The following SPATA13 variants were observed in gnomAD, a reference collection of about 807,000 sequenced individuals.
The protein encoded by SPATA13 is spermatogenesis associated 13.
A neutral mutation model predicts 104.0 loss-of-function variants in SPATA13; 50 were observed. That is an observed-to-expected ratio of 0.48 (90% confidence interval 0.38 to 0.61). SPATA13 has a LOEUF of 0.61. SPATA13 is among the 20% of genes least tolerant of loss of function. The pLI is 0.00. For missense variants in SPATA13, 1,524 were observed against 1,690.6 expected, an observed-to-expected ratio of 0.90 and a Z score of 1.73; for synonymous variants, 606 against 667.5, an observed-to-expected ratio of 0.91 and a Z score of 1.42.
chr13:24,241,822 C>T (rs545380998), intron 2 of SPATA13, among the ~76,000 whole-genome samples: 153 of 152,236 alleles, frequency 1.0e-3, no homozygotes, highest in Non-Finnish European at 1.2e-3. Flanking sequence ...GAGGCCGAGG[C>T]GGGAGGACTG....
chr13:24,295,805 C>T (rs769510188), intron 10 of SPATA13, among the ~76,000 whole-genome samples: 2 of 152,180 alleles, frequency 1.3e-5, no homozygotes, highest in African/African-American at 4.8e-5. Context: ...TAATCCTCTA[C>T]ACCATCCTAT....
At chr13:24,274,933 G>A (rs1453237524) in intron 4 of SPATA13, among the ~76,000 whole-genome samples, 1 of 152,180 alleles carries the variant, frequency 6.6e-6, no homozygotes, top group Non-Finnish European at 1.5e-5. Flanking sequence ...AGTGCCTGAT[G>A]TTTAAGGGCT....
chr13:24,057,359 G>A (rs2137750026), intron 3 of SPATA13, among the ~76,000 whole-genome samples: 1 of 151,946 alleles, frequency 6.6e-6, no homozygotes, highest in South Asian at 2.1e-4. Flanking sequence ...ACAAAGTCCT[G>A]AATTTTCCCC....
intron 1 of SPATA13, among the ~76,000 whole-genome samples, chr13:24,167,744 G>A (rs911386738): frequency 1.3e-5 from 2 of 152,138 alleles, no homozygotes; most frequent in Non-Finnish European, 2.9e-5. Flanking sequence ...GTCTTCTAGG[G>A]TCTAAATTTC....
chr13:24,047,830 G>A (rs1878205268), intron 3 of SPATA13, among the ~76,000 whole-genome samples: 1 of 152,212 alleles, frequency 6.6e-6, no homozygotes, highest in Admixed American at 6.5e-5. Context: ...AGGCTGAGAA[G>A]CACAGGATCT....
intron 1 of SPATA13, among the ~76,000 whole-genome samples, chr13:24,177,987 G>A (rs574386937): frequency 5.3e-4 from 81 of 152,188 alleles, no homozygotes; most frequent in African/African-American, 1.7e-3. Context: ...CTCCCAAGTA[G>A]CTGGGACTAT....
chr13:24,007,587 G>A (rs920735890), intron 2 of SPATA13, among the ~76,000 whole-genome samples: 1 of 152,162 alleles, frequency 6.6e-6, no homozygotes, highest in Non-Finnish European at 1.5e-5. Flanking sequence ...CTCCTGAATA[G>A]CTGGGATTAT....
intron 3 of SPATA13, among the ~76,000 whole-genome samples, chr13:24,078,287 C>T (rs1879398091): frequency 1.3e-5 from 2 of 152,124 alleles, no homozygotes; most frequent in Non-Finnish European, 1.5e-5. Context: ...GAGTTCTGAC[C>T]CAACCATTTA....
intron 1 of SPATA13, among the ~76,000 whole-genome samples, chr13:24,177,862 T>G (rs1472177392): frequency 6.6e-6 from 1 of 152,084 alleles, no homozygotes; most frequent in Non-Finnish European, 1.5e-5. Context: ...GATTTCAACA[T>G]ATGAATTTTT....
In SPATA13 at chr13:24,123,481, C is replaced by G. The variant is rs532812362; in HGVS notation, c.-111-99338C>G. 8 of 1,595,578 alleles carry G rather than the reference C, an allele frequency of 5.0e-6. No homozygotes were observed. In the Admixed American group the frequency reaches 1.3e-4, roughly 27 times the overall value. On this transcript the variant is annotated intron_variant, in intron 3 of 14. Coordinates refer to the SPATA13 transcript ENST00000424834. ...ATCTTTTTCTTCAGAAGTATTTCAG[C>G]GAAAGAGCCAATCATATGCAGGGCT...
At chr13:24,134,286 G>C (rs1881483623) in intron 3 of SPATA13, among the ~76,000 whole-genome samples, 2 of 152,296 alleles carry the variant, frequency 1.3e-5, no homozygotes, top group African/African-American at 4.8e-5. Flanking sequence ...GCTTTTCCAA[G>C]TACCCTAAAA....
rs199660209 is a variant in SPATA13 at position 24,223,812 on chromosome 13, A to G, written c.883A>G (p.Thr295Ala). The G allele has an allele frequency of 3.9e-6, 6 of 1,551,746 alleles. No individual in the cohort carries two copies. The highest frequency in any genetic ancestry group is 5.2e-6 in the Non-Finnish European group (6 of 1,146,982). Residue 295 changes from threonine (T) to alanine (A), a missense_variant, in exon 2 of 13, where the codon ACT becomes GCT. This residue lies in a region of SPATA13 where 1,089 missense variants were observed against 1,135.9 expected (regional missense o/e 0.96). Transcript: ENST00000382108. ...VPQRTLSSSS[T>A]DSQKLGSGRT... is the part of the protein sequence containing the mutation. The stretch of plus-strand genomic sequence containing the variant: ...ACAGAGGACCCTGAGCAGTTCCTCC[A>G]CTGACTCCCAAAAGCTTGGGTCAGG...
chr13:24,162,641 C>T (rs73450904), intron 1 of SPATA13: 2,566 of 153,654 alleles, frequency 0.017, 67 homozygotes, highest in African/African-American at 0.055. Context: ...ATCTACCAAA[C>T]TCTGGGTGTG....
At chr13:24,280,168 C>A (rs566911318) in intron 4 of SPATA13, among the ~76,000 whole-genome samples, 100 of 152,252 alleles carry the variant, frequency 6.6e-4, no homozygotes, top group African/African-American at 2.3e-3. Context: ...CGTACCACGA[C>A]CCCGGGTAGA....
intron 2 of SPATA13, among the ~76,000 whole-genome samples, chr13:24,004,924 A>G (rs1341824232): frequency 6.6e-6 from 1 of 152,196 alleles, no homozygotes; most frequent in African/African-American, 2.4e-5. Flanking sequence ...TAGCTGTCCT[A>G]TTATCATCAC....
At chr13:24,181,871 T>C (rs1868837127) in intron 1 of SPATA13, among the ~76,000 whole-genome samples, 1 of 151,896 alleles carries the variant, frequency 6.6e-6, no homozygotes, top group East Asian at 1.9e-4. Flanking sequence ...TCCCAGCACT[T>C]TGGGAGGCCA....
At chr13:24,162,758 A>G (rs1283920166) in intron 1 of SPATA13, among the ~76,000 whole-genome samples, 1 of 152,216 alleles carries the variant, frequency 6.6e-6, no homozygotes, top group Non-Finnish European at 1.5e-5. Context: ...ACAGATGAGA[A>G]AAGGAAGGCT....
chr13:24,293,022 A>AAAAAAT (rs35053977), intron 9 of SPATA13, among the ~76,000 whole-genome samples: 2 of 134,818 alleles, frequency 1.5e-5, no homozygotes, highest in African/African-American at 2.7e-5. Context: ...AAAAAAAAAA[A>AAAAAAT]GGCGAGGGTG....
In SPATA13 at chr13:24,019,093, A is replaced by ATT. The variant is rs71915188; in HGVS notation, c.-112+1404_-112+1405dup. Among the ~76,000 whole-genome samples the ATT allele has an allele frequency of 1.0e-3, 142 of 141,102 alleles. 3 individuals are homozygous for ATT. The highest frequency in any genetic ancestry group is 2.4e-3 in the Admixed American group (34 of 14,296). The allele number at this position is 141,102 out of a possible 152,430, so 92.6% of individuals were successfully genotyped here. ...TATGATTCTTATTATTATTATTATT[A>ATT]TTTTTTTTTTTTTGAGACGGAGTCT... On this transcript the variant is annotated intron_variant, in intron 3 of 14. Coordinates refer to the SPATA13 transcript ENST00000424834.
Sources: gnomAD v4.1 joint callset for allele counts (sites outside exome capture counted in the v4.1 genomes callset) on GRCh38, gnomAD v4.1.1 for gene constraint, gnomAD v4.1.1 regional missense constraint, MANE v1.5 for transcripts, NCBI Gene and HGNC (gene_info 2026-07-23, HGNC 2026-07-21) for gene names.